Variants in GTF2H1 observed in about 807,000 individuals in gnomAD.
GTF2H1 encodes the protein BTF2 p62.
Under a neutral mutation model 71.2 loss-of-function variants are expected in GTF2H1, and 16 were observed. The observed-to-expected ratio is 0.22, with a 90% CI of 0.15 to 0.34. The LOEUF (loss-of-function observed/expected upper bound fraction) is 0.34, where lower values mean the gene tolerates loss of function less well. GTF2H1 is among the 10% of genes least tolerant of loss of function. The pLI is 1.00. For missense variants in GTF2H1, 498 were observed against 648.2 expected, an observed-to-expected ratio of 0.77 and a Z score of 2.52; for synonymous variants, 215 against 219.0, an observed-to-expected ratio of 0.98 and a Z score of 0.16.
intron 7 of GTF2H1, among the ~76,000 whole-genome samples, chr11:18,342,253 T>TC (rs1491371487): frequency 0.018 from 143 of 7,742 alleles, no homozygotes; most frequent in African/African-American, 0.037. Context: ...TTTCTGTCTC[T>TC]TTTTTTTTTT....
At position 18,336,316 on chromosome 11, in the gene GTF2H1, AG is replaced by A. The variant is rs1865027689; in HGVS notation, c.347+373del. 2.0e-5 allele frequency among the ~76,000 whole-genome samples: 3 copies of A among 152,012 alleles called. No homozygotes were observed. The South Asian group carries it at 6.2e-4, about 31-fold the overall frequency. On this transcript the variant is annotated intron_variant, in intron 3 of 14. Transcript: ENST00000265963. The stretch of plus-strand genomic sequence containing the variant: ...TAATTTTTGTAATTTTAATAGAGAC[AG>A]GGTTTCACCATGTTGGTCAGGCTGG...
chr11:18,357,607 GTTTTC>G (rs1416764784), intron 11 of GTF2H1, among the ~76,000 whole-genome samples: 1 of 152,130 alleles, frequency 6.6e-6, no homozygotes, highest in African/African-American at 2.4e-5. Context: ...TGTTTTACCT[GTTTTC>G]TTTCCTTAAA....
Position 18,339,608 on chromosome 11 carries a change from T to C in GTF2H1, c.558T>C (p.Tyr186=), listed in dbSNP as rs370166383. ...PQTDGCNGLR[Y]NLTSDIIESI... Reference sequence around the variant, plus strand: ...CTGATGGCTGTAACGGTCTAAGATATAATTTAACTTCTGATATCATTGAGT... The same window carrying C: ...CTGATGGCTGTAACGGTCTAAGATACAATTTAACTTCTGATATCATTGAGT... The change falls in exon 5 of 15, where the codon TAT becomes TAC. Residue 186 remains tyrosine, a synonymous_variant. Transcript: ENST00000265963. 21 of 1,613,538 alleles carry C rather than the reference T, an allele frequency of 1.3e-5. No individual in the cohort carries two copies. Among genetic ancestry groups the C allele is most frequent in the Non-Finnish European group, 1.5e-5 (18 of 1,179,562 alleles).
chr11:18,351,187 G>A (rs1317869962), intron 9 of GTF2H1, among the ~76,000 whole-genome samples: 1 of 151,834 alleles, frequency 6.6e-6, no homozygotes, highest in Non-Finnish European at 1.5e-5. Flanking sequence ...CCGCAATTTA[G>A]GAGACTGAGT....
At chr11:18,336,389 A>T (rs958869368) in intron 3 of GTF2H1, among the ~76,000 whole-genome samples, 5 of 152,154 alleles carry the variant, frequency 3.3e-5, no homozygotes, top group Admixed American at 1.3e-4. Context: ...CAGCCTCCCA[A>T]AGTGCTGGGA....
intron 11 of GTF2H1, among the ~76,000 whole-genome samples, chr11:18,354,726 TCTC>T (rs1179322598): frequency 3.5e-4 from 54 of 152,338 alleles, no homozygotes; most frequent in African/African-American, 1.3e-3. Context: ...AGCATTCCCT[TCTC>T]CTCTGTTTGT....
intron 1 of GTF2H1, among the ~76,000 whole-genome samples, chr11:18,327,556 T>C (rs1436047102): frequency 1.3e-5 from 2 of 152,198 alleles, no homozygotes; most frequent in African/African-American, 2.4e-5. Flanking sequence ...GGGACTGAGA[T>C]AATGCCTATA....
chr11:18,336,070 G>A (rs1046711584), intron 3 of GTF2H1, 124 bp downstream of exon 3: 31 of 618,292 alleles, frequency 5.0e-5, no homozygotes, highest in Middle Eastern at 3.6e-4. Flanking sequence ...TGTTGTTGTC[G>A]TTTTTGTTTT....
In GTF2H1 at chr11:18,322,714, C is replaced by A. The variant is rs572879982; in HGVS notation, c.-42C>A. On this transcript the variant is annotated 5_prime_UTR_variant, in exon 1 of 15. Transcript: ENST00000265963. ...CCGGATCCAACCCAGTTAGTTACTTCCTGTCTAGAGTTGTAGCTTCCACCT... is the reference window on the plus strand; with the variant it reads ...CCGGATCCAACCCAGTTAGTTACTTACTGTCTAGAGTTGTAGCTTCCACCT... 7.6e-6 allele frequency: 1 copy of A among 130,988 alleles called. No homozygotes were observed. Among genetic ancestry groups the A allele is most frequent in the East Asian group, 2.4e-4 (1 of 4,136 alleles). 8.1% of individuals were successfully genotyped at this position (130,988 alleles called of 1,614,324 possible).
chr11:18,343,649 C>A (rs1400367737), intron 7 of GTF2H1, among the ~76,000 whole-genome samples: 1 of 152,192 alleles, frequency 6.6e-6, no homozygotes, highest in Non-Finnish European at 1.5e-5. Flanking sequence ...CTGTCTTTGA[C>A]TGCAGAGCTC....
chr11:18,338,446 GTTT>G (rs1266345702), intron 4 of GTF2H1, among the ~76,000 whole-genome samples, 172 bp downstream of exon 4: 1 of 151,978 alleles, frequency 6.6e-6, no homozygotes, highest in Non-Finnish European at 1.5e-5. Context: ...ATGTTTGTTT[GTTT>G]GTTTGTTTTT....
At chr11:18,347,537 TAAG>T (rs1269182913) in intron 7 of GTF2H1, 48 bp from the exon 8 acceptor site, 7 of 1,393,830 alleles carry the variant, frequency 5.0e-6, no homozygotes, top group African/African-American at 1.5e-5. Context: ...TGTCTTATAA[TAAG>T]AAAAGCAGAA....
At chr11:18,322,897 T>C (rs934829250) in intron 1 of GTF2H1, among the ~76,000 whole-genome samples, 157 bp downstream of exon 1, 1 of 152,098 alleles carries the variant, frequency 6.6e-6, no homozygotes, top group Non-Finnish European at 1.5e-5. Flanking sequence ...TTTGCCCTTA[T>C]CCCGAGGCGA....
chr11:18,352,279 G>A, intron 10 of GTF2H1, 50 bp from the exon 11 acceptor site: 1 of 825,496 alleles, frequency 1.2e-6, no homozygotes, highest in Non-Finnish European at 2.1e-6. Context: ...GACAAATGTT[G>A]AGCATCTTTA....
intron 3 of GTF2H1, among the ~76,000 whole-genome samples, chr11:18,337,175 T>TC (rs1815314579): frequency 6.6e-6 from 1 of 152,186 alleles, no homozygotes; most frequent in African/African-American, 2.4e-5. Flanking sequence ...ATGCCTGTAG[T>TC]CTCAGCACTT....
chr11:18,352,599 A>G (rs2133981493), intron 11 of GTF2H1, among the ~76,000 whole-genome samples, 153 bp downstream of exon 11: 1 of 152,326 alleles, frequency 6.6e-6, no homozygotes, highest in African/African-American at 2.4e-5. Flanking sequence ...GGTAGCAAGA[A>G]AAGGTGTTTG....
chr11:18,348,816 A>C (rs1865359704), intron 9 of GTF2H1: 1 of 152,200 alleles, frequency 6.6e-6, no homozygotes, highest in Non-Finnish European at 1.5e-5. Context: ...TCTTTCAATA[A>C]AGAGAGTATG....
intron 14 of GTF2H1, among the ~76,000 whole-genome samples, chr11:18,363,429 A>C (rs116892856): frequency 6.6e-6 from 1 of 152,146 alleles, no homozygotes; most frequent in East Asian, 1.9e-4. Context: ...TGATGTTACG[A>C]CATCACTAGA....
At chr11:18,343,579 A>G (rs1865214153) in intron 7 of GTF2H1, among the ~76,000 whole-genome samples, 1 of 151,914 alleles carries the variant, frequency 6.6e-6, no homozygotes, top group South Asian at 2.1e-4. Context: ...CAGGGGAGGG[A>G]GTAAAAATAA....
Sources: gnomAD v4.1 joint callset for allele counts (sites outside exome capture counted in the v4.1 genomes callset) on GRCh38, gnomAD v4.1.1 for gene constraint, MANE v1.5 for transcripts, NCBI Gene and HGNC (gene_info 2026-07-23, HGNC 2026-07-21) for gene names.